EFCAB6: variants seen among roughly 807,000 people sequenced by gnomAD.
The protein encoded by EFCAB6 is EF-hand calcium-binding domain-containing protein 6.
EFCAB6 carries 156 observed loss-of-function variants against 169.8 expected under a neutral mutation model. The ratio of observed to expected loss-of-function variants is 0.92; its 90% CI spans 0.81 to 1.05. The LOEUF (loss-of-function observed/expected upper bound fraction) is 1.05, where lower values mean the gene tolerates loss of function less well. Ranked by LOEUF, EFCAB6 falls within the 50% of genes least tolerant of loss-of-function variation. The pLI, the probability that EFCAB6 is intolerant of heterozygous loss-of-function variation, is 0.00. For missense variants in EFCAB6, 1,800 were observed against 1,829.1 expected (o/e 0.98, Z 0.29); for synonymous variants, 698 against 676.4 (o/e 1.03, Z -0.50).
intron 12 of EFCAB6, 34 bp from the exon 13 acceptor site, chr22:43,678,197 A>G (rs758889459): frequency 6.4e-5 from 37 of 575,800 alleles, no homozygotes; most frequent in East Asian, 7.0e-5. Flanking sequence ...GGAATTTTTG[A>G]AAAAAAAAAA....
chr22:43,734,620 A>G (rs2060067963), intron 7 of EFCAB6, among the ~76,000 whole-genome samples: 1 of 152,200 alleles, frequency 6.6e-6, no homozygotes, highest in Non-Finnish European at 1.5e-5. Context: ...TTGCGTGCAC[A>G]AAATTATTTA....
chr22:43,591,146 C>T (rs1356062284), intron 23 of EFCAB6, among the ~76,000 whole-genome samples: 3 of 143,814 alleles, frequency 2.1e-5, no homozygotes, highest in Non-Finnish European at 3.0e-5. Context: ...TTTTTTTTAC[C>T]AGGCTTTTTA....
chr22:43,761,484 CT>C, intron 5 of EFCAB6, among the ~76,000 whole-genome samples: 1 of 152,122 alleles, frequency 6.6e-6, no homozygotes, highest in East Asian at 1.9e-4. Flanking sequence ...TACCCATCCA[CT>C]GTATTTTAGA....
At chr22:43,610,663 T>C (rs944805574) in intron 21 of EFCAB6, among the ~76,000 whole-genome samples, 2 of 152,246 alleles carry the variant, frequency 1.3e-5, no homozygotes, top group Non-Finnish European at 2.9e-5. Flanking sequence ...GGTTACATGC[T>C]GACTACTTTA....
At chr22:43,780,710 C>T (rs1009271974) in intron 3 of EFCAB6, among the ~76,000 whole-genome samples, 1 of 152,058 alleles carries the variant, frequency 6.6e-6, no homozygotes, top group African/African-American at 2.4e-5. Flanking sequence ...CCTCTTTCTC[C>T]TTAGAAATAG....
chr22:43,538,774 A>T (rs1398304859), intron 28 of EFCAB6, among the ~76,000 whole-genome samples: 1 of 152,196 alleles, frequency 6.6e-6, no homozygotes, highest in East Asian at 1.9e-4. Flanking sequence ...AGTGAATGCC[A>T]AAGTCCTCAT....
At chr22:43,547,680 G>C (rs2048138062) in intron 27 of EFCAB6, among the ~76,000 whole-genome samples, 1 of 151,664 alleles carries the variant, frequency 6.6e-6, no homozygotes, top group African/African-American at 2.4e-5. Flanking sequence ...TGGGAGGATA[G>C]TTTGAGCCAG....
At chr22:43,661,576 G>A (rs1166780983) in intron 17 of EFCAB6, among the ~76,000 whole-genome samples, 1 of 152,172 alleles carries the variant, frequency 6.6e-6, no homozygotes, top group Non-Finnish European at 1.5e-5. Flanking sequence ...ACCCAGAACA[G>A]GTCTAGACAA....
chr22:43,698,849 A>T (rs989913335), intron 10 of EFCAB6, among the ~76,000 whole-genome samples: 2 of 152,158 alleles, frequency 1.3e-5, no homozygotes, highest in African/African-American at 4.8e-5. Flanking sequence ...ATCACTCTAG[A>T]TCTCATGACT....
At position 43,626,465 on chromosome 22, in the gene EFCAB6, G is replaced by C. The variant is rs148922297; in HGVS notation, c.2447C>G (p.Ala816Gly). The change falls in exon 20 of 32, where the codon GCG becomes GGG. Residue 816 changes from alanine to glycine, a missense_variant. By Grantham distance (60) the Ala-to-Gly change is moderately conservative. Transcript: ENST00000262726. ...TTCTTACCTAATGAGTCTTTGAGGC[G>C]CTTCATCTGTTCTCCATGGTCTCTT... The part of the protein sequence containing the change: ...CEKRPWRTDE[A>G]PQRLIRPKQK... The C allele has an allele frequency of 4.3e-5, 70 of 1,613,980 alleles. No individual in the cohort carries two copies. Among genetic ancestry groups the C allele is most frequent in the Non-Finnish European group, 2.5e-6 (3 of 1,180,012 alleles).
intron 13 of EFCAB6, among the ~76,000 whole-genome samples, chr22:43,677,603 G>A (rs2057818514): frequency 6.6e-6 from 1 of 152,126 alleles, no homozygotes; most frequent in South Asian, 2.1e-4. Context: ...CCGAGATCAT[G>A]CCACTGCACT....
At chr22:43,663,423 A>G (rs1802014224) in intron 17 of EFCAB6, among the ~76,000 whole-genome samples, 2 of 152,194 alleles carry the variant, frequency 1.3e-5, no homozygotes, top group African/African-American at 4.8e-5. Flanking sequence ...TGATCTATAA[A>G]CAATCTCTGC....
rs1569284375 is a variant in EFCAB6, at chr22:43,632,228, C to T, written c.2109G>A (p.Met703Ile). 2 of 1,608,420 alleles carry T rather than the reference C, an allele frequency of 1.2e-6. No individual in the cohort carries two copies. Among genetic ancestry groups the T allele is most frequent in the Non-Finnish European group, 8.5e-7 (1 of 1,177,014 alleles). Residue 703 changes from methionine to isoleucine, a missense_variant, in exon 19 of 32, where the codon ATG becomes ATA. Transcript: ENST00000262726. ...GCGGCGGAGTGGTTTCCGGCCCTCT[C>T]ATTGGAGGATCTGGAACAATTACAA... Reference protein sequence around the residue: ...DFAAGFEDPPMRGPETTPPQP... With the variant: ...DFAAGFEDPPIRGPETTPPQP...
At chr22:43,591,458 T>TAA (rs35033134) in intron 23 of EFCAB6, among the ~76,000 whole-genome samples, 91 of 84,930 alleles carry the variant, frequency 1.1e-3, no homozygotes, top group Middle Eastern at 6.6e-3. Context: ...CTCTGTCTTA[T>TAA]AAAAAAAAAA....
At chr22:43,791,069 A>G (rs1255608649) in intron 2 of EFCAB6, among the ~76,000 whole-genome samples, 1 of 152,204 alleles carries the variant, frequency 6.6e-6, no homozygotes, top group Non-Finnish European at 1.5e-5. Context: ...CACTGAATAC[A>G]TGAGTTTGAG....
chr22:43,770,254 A>G (rs767486240), intron 4 of EFCAB6, among the ~76,000 whole-genome samples: 5 of 152,156 alleles, frequency 3.3e-5, no homozygotes, highest in African/African-American at 9.7e-5. Flanking sequence ...CTCCCACCTC[A>G]GCCTCCAAAG....
At chr22:43,534,602 T>C (rs1347223280) in intron 30 of EFCAB6, 86 bp downstream of exon 30, 22 of 1,275,312 alleles carry the variant, frequency 1.7e-5, no homozygotes, top group Non-Finnish European at 2.3e-5. Context: ...GTCTGGGCAA[T>C]AGAGTAAGAC....
At chr22:43,578,967 T>A (rs1484819199) in intron 25 of EFCAB6, among the ~76,000 whole-genome samples, 1 of 84,424 alleles carries the variant, frequency 1.2e-5, no homozygotes, top group Non-Finnish European at 2.4e-5. Context: ...TCCATACACA[T>A]AGGCATCATT....
At chr22:43,762,563 T>C (rs868820637) in intron 5 of EFCAB6, among the ~76,000 whole-genome samples, 2 of 152,246 alleles carry the variant, frequency 1.3e-5, no homozygotes, top group East Asian at 3.8e-4. Context: ...GTGTTGTTCA[T>C]GGTATATAGC....
Sources: gnomAD v4.1 joint callset for allele counts (sites outside exome capture counted in the v4.1 genomes callset) on GRCh38, gnomAD v4.1.1 for gene constraint, MANE v1.5 for transcripts, NCBI Gene and HGNC (gene_info 2026-07-23, HGNC 2026-07-21) for gene names.